Variants in FNDC1 observed in about 807,000 individuals in gnomAD.
The protein encoded by FNDC1 is fibronectin type III domain containing 1, also known as fibronectin type III domain-containing protein 1.
A neutral mutation model predicts 168.0 loss-of-function variants in FNDC1; 96 were observed. That is an observed-to-expected ratio of 0.57 (90% CI 0.48 to 0.68). FNDC1 has a LOEUF of 0.68. FNDC1 is among the 30% of genes least tolerant of loss of function. FNDC1 has a pLI of 0.00. For synonymous variants in FNDC1, 1,099 were observed against 1,025.9 expected (o/e 1.07, Z -1.36); for missense variants, 2,587 against 2,482.1 (o/e 1.04, Z -0.90).
intron 14 of FNDC1, among the ~76,000 whole-genome samples, chr6:159,243,872 T>C (rs1209921579): frequency 6.6e-6 from 1 of 152,220 alleles, no homozygotes; most frequent in Non-Finnish European, 1.5e-5. Context: ...GTAGATTGTT[T>C]ACTTAATGCC....
chr6:159,212,491 T>C (rs1196051773), intron 4 of FNDC1, among the ~76,000 whole-genome samples: 2 of 152,150 alleles, frequency 1.3e-5, no homozygotes, highest in Non-Finnish European at 2.9e-5. Context: ...TGATGGTATA[T>C]ATAACCAGAG....
intron 1 of FNDC1, among the ~76,000 whole-genome samples, chr6:159,183,718 G>A (rs562377766): frequency 1.3e-5 from 2 of 152,212 alleles, no homozygotes; most frequent in Admixed American, 6.5e-5. Flanking sequence ...AGGGAGTGTG[G>A]CATCCCAGAA....
At chr6:159,202,637 T>A (rs1397043551) in intron 4 of FNDC1, among the ~76,000 whole-genome samples, 1 of 152,216 alleles carries the variant, frequency 6.6e-6, no homozygotes, top group Non-Finnish European at 1.5e-5. Context: ...CTAGAAACAA[T>A]GGCTGCAGTT....
At chr6:159,240,083 A>G (rs1783386333) in intron 14 of FNDC1, 126 bp downstream of exon 14, 4 of 858,300 alleles carry the variant, frequency 4.7e-6, no homozygotes, top group South Asian at 3.7e-5. Context: ...AACCCGATGC[A>G]TTTTTGGTCC....
chr6:159,260,138 G>A (rs150735461), intron 18 of FNDC1, among the ~76,000 whole-genome samples: 3 of 152,186 alleles, frequency 2.0e-5, no homozygotes, highest in Non-Finnish European at 4.4e-5. Flanking sequence ...CCAGATAAGA[G>A]GTCCCTTATG....
At chr6:159,194,547 C>A (rs1362069430) in intron 1 of FNDC1, among the ~76,000 whole-genome samples, 1 of 152,204 alleles carries the variant, frequency 6.6e-6, no homozygotes, top group South Asian at 2.1e-4. Context: ...TATCAGAGTG[C>A]TGATTCCATA....
chr6:159,215,087 T>C lies in FNDC1; in HGVS notation c.603T>C (p.Ser201=). The C allele has an allele frequency of 6.2e-7, 1 of 1,613,908 alleles. No individual in the cohort carries two copies. The highest frequency in any genetic ancestry group is 8.5e-7 in the Non-Finnish European group (1 of 1,179,860). The change falls in exon 5 of 23, where the codon AGT becomes AGC. Residue 201 remains serine (S), a synonymous_variant. Transcript: ENST00000297267. ...SRGFLLGYGE[S]GRKMNYVPLT... ...GTTTTCTCCTGGGCTACGGGGAGAG[T>C]GGCCGGAAGATGAATTATGTTCCAC...
chr6:159,270,785 G>T (rs1421870912), intron 22 of FNDC1, among the ~76,000 whole-genome samples: 1 of 152,180 alleles, frequency 6.6e-6, no homozygotes, highest in Non-Finnish European at 1.5e-5. Context: ...GAGGTAAGTT[G>T]GGGGCCCTGA....
Position 159,271,649 on chromosome 6 carries a change from C to T in FNDC1, c.*207C>T, listed in dbSNP as rs955277915. ...GGACAATGAACAGGATTCAGTTTTG[C>T]TGTTAACTTTGCTTCTCTACTTTTT... On this transcript the variant is annotated 3_prime_UTR_variant, in exon 23 of 23. Transcript: ENST00000297267. The T allele has an allele frequency of 4.1e-6, 2 of 482,674 alleles. No individual in the cohort carries two copies. The highest frequency in any genetic ancestry group is 7.5e-6 in the Non-Finnish European group (2 of 265,632). The allele number at this position is 482,674 out of a possible 1,614,324, so 29.9% of individuals were successfully genotyped here. A position where few individuals can be genotyped will look rare whatever the true frequency, so the allele number is the denominator to read the frequency against.
At chr6:159,186,406 C>G (rs1251552517) in intron 1 of FNDC1, among the ~76,000 whole-genome samples, 1 of 152,208 alleles carries the variant, frequency 6.6e-6, no homozygotes, top group Non-Finnish European at 1.5e-5. Flanking sequence ...GAGAGTGCTT[C>G]TGAATGAAAG....
chr6:159,265,085 A>T, intron 20 of FNDC1, 81 bp downstream of exon 20: 1 of 1,256,046 alleles, frequency 8.0e-7, no homozygotes, highest in South Asian at 1.4e-5. Flanking sequence ...ATTACTCACA[A>T]TTAGAAAGTC....
chr6:159,189,929 T>C (rs893444726), intron 1 of FNDC1, among the ~76,000 whole-genome samples: 7 of 152,232 alleles, frequency 4.6e-5, no homozygotes, highest in African/African-American at 1.7e-4. Context: ...TAGCATAAAC[T>C]GGGCAAAATT....
chr6:159,195,162 A>G (rs1782218606), intron 1 of FNDC1, among the ~76,000 whole-genome samples: 1 of 152,158 alleles, frequency 6.6e-6, no homozygotes, highest in Admixed American at 6.5e-5. Context: ...AGTCCCCAAA[A>G]GGCCTTTATG....
intron 15 of FNDC1, among the ~76,000 whole-genome samples, chr6:159,247,387 A>G (rs1475124348): frequency 1.3e-5 from 2 of 152,128 alleles, no homozygotes; most frequent in African/African-American, 4.8e-5. Context: ...TTCTAATTAC[A>G]TAAAATATGT....
Position 159,246,929 on chromosome 6 carries a change from T to A in FNDC1, c.4650T>A (p.Thr1550=), listed in dbSNP as rs294911. The change falls in exon 15 of 23, where the codon ACT becomes ACA. Residue 1550 remains threonine (T), a synonymous_variant. Coordinates refer to ENST00000297267, the MANE Select transcript of FNDC1 (RefSeq NM_032532.3). The stretch of plus-strand genomic sequence containing the variant: ...AGTTCTCAGGCTTGGAGACTGACAC[T>A]GCAGTACCTACGGAAGAGGCCTACG... ...EDEFSGLETD[T]AVPTEEAYVI... The A allele has an allele frequency of 1.9e-6, 3 of 1,612,258 alleles. No homozygotes were observed. Among genetic ancestry groups the A allele is most frequent in the Admixed American group, 1.7e-5 (1 of 59,984 alleles).
chr6:159,213,882 G>A (rs924184723), intron 4 of FNDC1, among the ~76,000 whole-genome samples: 5 of 152,154 alleles, frequency 3.3e-5, no homozygotes, highest in Non-Finnish European at 7.3e-5. Flanking sequence ...TTGGAACCAG[G>A]TGTCTGCCAT....
At chr6:159,243,667 A>T (rs1311456666) in intron 14 of FNDC1, among the ~76,000 whole-genome samples, 1 of 152,168 alleles carries the variant, frequency 6.6e-6, no homozygotes, top group Non-Finnish European at 1.5e-5. Flanking sequence ...TAAAATATCC[A>T]GTTTTACATA....
At chr6:159,200,993 C>A (rs988591573) in intron 4 of FNDC1, among the ~76,000 whole-genome samples, 1 of 152,244 alleles carries the variant, frequency 6.6e-6, no homozygotes, top group African/African-American at 2.4e-5. Flanking sequence ...TTTTTTCTTA[C>A]AACCTTGGGA....
intron 1 of FNDC1, among the ~76,000 whole-genome samples, chr6:159,170,895 A>G (rs1264590367): frequency 6.6e-6 from 1 of 152,182 alleles, no homozygotes; most frequent in African/African-American, 2.4e-5. Context: ...GAGGAATAAA[A>G]CTAAATAAAG....
Sources: allele counts gnomAD v4.1 joint callset (sites outside exome capture counted in the v4.1 genomes callset), GRCh38; gene constraint gnomAD v4.1.1; transcripts MANE v1.5; gene names NCBI Gene and HGNC (gene_info 2026-07-23, HGNC 2026-07-21).